Variants in HPGDS observed in about 807,000 individuals in gnomAD.
HPGDS encodes the protein hematopoietic prostaglandin D synthase, also known as GST class-sigma.
In HPGDS, 26 loss-of-function variants were observed where a neutral mutation model predicts 23.1. That is an observed-to-expected ratio of 1.13 (90% CI 0.83 to 1.56). HPGDS has a LOEUF of 1.56. HPGDS is among the 40% of genes most tolerant of loss of function. The pLI is 0.00. For missense variants in HPGDS, 268 were observed against 236.4 expected (o/e 1.13, Z -0.88); for synonymous variants, 95 against 77.9 (o/e 1.22, Z -1.16).
chr4:94,309,478 C>G (rs1300166049), intron 3 of HPGDS, among the ~76,000 whole-genome samples: 1 of 152,078 alleles, frequency 6.6e-6, no homozygotes, highest in Non-Finnish European at 1.5e-5. Context: ...TTTATGGCTG[C>G]ATAGTATTCC....
intron 1 of HPGDS, among the ~76,000 whole-genome samples, chr4:94,340,867 C>G (rs34379220): frequency 1.0e-5 from 1 of 99,750 alleles, no homozygotes; most frequent in East Asian, 2.5e-4. Context: ...TTTTTTGAGA[C>G]GGAGTCTTGC....
At chr4:94,329,987 A>G (rs1176574485) in intron 2 of HPGDS, among the ~76,000 whole-genome samples, 2 of 152,218 alleles carry the variant, frequency 1.3e-5, no homozygotes, top group African/African-American at 2.4e-5. Context: ...TGTGACAGGA[A>G]TGATGGTCCC....
At chr4:94,326,006 A>T (rs1288798209) in intron 2 of HPGDS, among the ~76,000 whole-genome samples, 1 of 150,974 alleles carries the variant, frequency 6.6e-6, no homozygotes, top group Non-Finnish European at 1.5e-5. Context: ...CACTTTGAAC[A>T]TATCATTCCA....
Position 94,302,247 on chromosome 4 carries a change from A to G in HPGDS, c.337-3T>C. 1.9e-6 allele frequency: 3 copies of G among 1,592,028 alleles called. No homozygotes were observed. Among genetic ancestry groups the G allele is most frequent in the South Asian group, 1.1e-5 (1 of 89,474 alleles). Reference sequence around the variant, plus strand: ...AGCAGCTCATTGAACATCTGCTCCTAGGAGAAGGAGAAAATATCACTTTAA... The same window carrying G: ...AGCAGCTCATTGAACATCTGCTCCTGGGAGAAGGAGAAAATATCACTTTAA... On this transcript the variant is annotated splice_region_variant and splice_polypyrimidine_tract_variant and intron_variant, in intron 4 of 5. Transcript: ENST00000295256.
intron 5 of HPGDS, among the ~76,000 whole-genome samples, chr4:94,301,746 T>C (rs1343295771): frequency 1.3e-5 from 2 of 152,172 alleles, no homozygotes; most frequent in Non-Finnish European, 2.9e-5. Context: ...AAATAGTATA[T>C]GATTTTTTGT....
intron 3 of HPGDS, among the ~76,000 whole-genome samples, chr4:94,312,828 G>C (rs889939562): frequency 6.6e-6 from 1 of 152,088 alleles, no homozygotes; most frequent in Non-Finnish European, 1.5e-5. Context: ...TCCTGTATTG[G>C]GTGCATATAT....
chr4:94,334,923 C>A (rs1560596082), intron 1 of HPGDS, among the ~76,000 whole-genome samples: 1 of 152,114 alleles, frequency 6.6e-6, no homozygotes, highest in East Asian at 1.9e-4. Context: ...TAACTACACC[C>A]CAACCTTCAG....
chr4:94,304,133 G>A (rs1756097286), intron 4 of HPGDS, among the ~76,000 whole-genome samples: 1 of 151,788 alleles, frequency 6.6e-6, no homozygotes, highest in South Asian at 2.1e-4. Context: ...TTCAGAGGAG[G>A]TTTTTTCACC....
At chr4:94,309,667 A>G (rs907959924) in intron 3 of HPGDS, among the ~76,000 whole-genome samples, 6 of 151,892 alleles carry the variant, frequency 4.0e-5, no homozygotes, top group Non-Finnish European at 1.5e-5. Flanking sequence ...GCTGGGTCAA[A>G]TGGTATTTCT....
At chr4:94,323,880 T>C (rs899032453) in intron 2 of HPGDS, among the ~76,000 whole-genome samples, 2 of 152,208 alleles carry the variant, frequency 1.3e-5, no homozygotes, top group Non-Finnish European at 2.9e-5. Flanking sequence ...ATTTGGCATG[T>C]TTTTGCAGGG....
chr4:94,314,372 C>G (rs894473054), intron 3 of HPGDS, among the ~76,000 whole-genome samples: 1 of 152,224 alleles, frequency 6.6e-6, no homozygotes, highest in Non-Finnish European at 1.5e-5. Flanking sequence ...GGACCCTCAG[C>G]TGCAGGTCTG....
intron 5 of HPGDS, among the ~76,000 whole-genome samples, chr4:94,301,718 C>T (rs1222708232): frequency 6.6e-6 from 1 of 152,140 alleles, no homozygotes; most frequent in East Asian, 1.9e-4. Context: ...GTAGTACCAC[C>T]AACAATATGA....
chr4:94,340,490 C>T (rs1721139585), intron 1 of HPGDS, among the ~76,000 whole-genome samples: 2 of 146,792 alleles, frequency 1.4e-5, no homozygotes, highest in African/African-American at 5.0e-5. Flanking sequence ...AGGCACGCGC[C>T]ACCACGCCCA....
At chr4:94,317,389 C>T (rs562103133) in intron 3 of HPGDS, among the ~76,000 whole-genome samples, 1 of 152,266 alleles carries the variant, frequency 6.6e-6, no homozygotes, top group East Asian at 1.9e-4. Flanking sequence ...AGCCAAGTAT[C>T]CCCTTCAAGT....
chr4:94,321,748 C>G (rs1217503980), intron 2 of HPGDS, among the ~76,000 whole-genome samples: 1 of 152,132 alleles, frequency 6.6e-6, no homozygotes, highest in Non-Finnish European at 1.5e-5. Context: ...AATTGAATAA[C>G]CTTTATTTCT....
intron 2 of HPGDS, among the ~76,000 whole-genome samples, chr4:94,333,343 A>G (rs1756765606): frequency 6.6e-6 from 1 of 152,202 alleles, no homozygotes; most frequent in African/African-American, 2.4e-5. Flanking sequence ...TTACCAAGTG[A>G]CGTATGCAAC....
chr4:94,305,158 G>A (rs1046745800), intron 4 of HPGDS, among the ~76,000 whole-genome samples: 19 of 151,898 alleles, frequency 1.3e-4, no homozygotes, highest in Non-Finnish European at 2.4e-4. Flanking sequence ...ATTTAATCCT[G>A]CCAACATACT....
At chr4:94,301,157 C>G (rs530555543) in intron 5 of HPGDS, among the ~76,000 whole-genome samples, 1 of 152,132 alleles carries the variant, frequency 6.6e-6, no homozygotes, top group South Asian at 2.1e-4. Flanking sequence ...TCTGTATCAC[C>G]CAGAAGGGCT....
At chr4:94,327,334 A>T (rs1406639478) in intron 2 of HPGDS, among the ~76,000 whole-genome samples, 1 of 152,174 alleles carries the variant, frequency 6.6e-6, no homozygotes, top group Non-Finnish European at 1.5e-5. Context: ...CAGCAGTGAC[A>T]GGCAAGATAG....
Sources: allele counts gnomAD v4.1 joint callset (sites outside exome capture counted in the v4.1 genomes callset), GRCh38; gene constraint gnomAD v4.1.1; transcripts MANE v1.5; gene names NCBI Gene and HGNC (gene_info 2026-07-23, HGNC 2026-07-21).